The following LIMCH1 variants were observed in gnomAD, a reference collection of about 807,000 sequenced individuals.
LIMCH1 encodes LIM and calponin homology domains-containing protein 1.
Under a neutral mutation model 176.5 loss-of-function variants are expected in LIMCH1, and 113 were observed. The ratio of observed to expected loss-of-function variants is 0.64; its 90% CI spans 0.55 to 0.75. The LOEUF (loss-of-function observed/expected upper bound fraction) is 0.75, where lower values mean the gene tolerates loss of function less well. Among genes scored for constraint, LIMCH1 ranks in the 30% least tolerant of loss-of-function variants. The pLI is 0.00. For synonymous variants in LIMCH1, 619 were observed against 645.9 expected (o/e 0.96, Z 0.63); for missense variants, 1,674 against 1,814.9 (o/e 0.92, Z 1.41).
At chr4:41,527,001 G>T (rs2076730822) in intron 3 of LIMCH1, among the ~76,000 whole-genome samples, 1 of 152,132 alleles carries the variant, frequency 6.6e-6, no homozygotes. Flanking sequence ...GTTATTCATT[G>T]AATACTTTCC....
intron 26 of LIMCH1, among the ~76,000 whole-genome samples, chr4:41,682,734 T>C (rs1362022310): frequency 6.7e-6 from 1 of 149,618 alleles, no homozygotes; most frequent in Non-Finnish European, 1.5e-5. Flanking sequence ...TGGAGTGCCA[T>C]GGTACGATCT....
chr4:41,436,174 T>G (rs999699267), intron 1 of LIMCH1, among the ~76,000 whole-genome samples: 1 of 152,238 alleles, frequency 6.6e-6, no homozygotes, highest in Non-Finnish European at 1.5e-5. Context: ...GGAATTCTTG[T>G]TCCCTCTTTG....
chr4:41,581,104 G>GTCTATCTA (rs773185761), intron 1 of LIMCH1, among the ~76,000 whole-genome samples: 1 of 133,970 alleles, frequency 7.5e-6, no homozygotes, highest in African/African-American at 3.2e-5. Context: ...CCATTCATCT[G>GTCTATCTA]TCTGTCTGTC....
At chr4:41,418,997 CA>C (rs2060191042) in intron 1 of LIMCH1, among the ~76,000 whole-genome samples, 1 of 152,134 alleles carries the variant, frequency 6.6e-6, no homozygotes, top group Non-Finnish European at 1.5e-5. Context: ...CCACATTTCA[CA>C]AAGGATTGTG....
At chr4:41,449,882 T>C (rs2063677839) in intron 1 of LIMCH1, among the ~76,000 whole-genome samples, 1 of 152,242 alleles carries the variant, frequency 6.6e-6, no homozygotes, top group African/African-American at 2.4e-5. Flanking sequence ...TTCTGAGGGC[T>C]GTGGGGAAGG....
chr4:41,510,589 A>C (rs1026447348), intron 2 of LIMCH1, among the ~76,000 whole-genome samples: 13 of 151,874 alleles, frequency 8.6e-5, no homozygotes, highest in Non-Finnish European at 1.8e-4. Flanking sequence ...CCAGTTTATA[A>C]ATGATTTTTT....
intron 1 of LIMCH1, among the ~76,000 whole-genome samples, chr4:41,482,763 A>G (rs541938554): frequency 6.6e-6 from 1 of 152,312 alleles, no homozygotes; most frequent in East Asian, 1.9e-4. Context: ...AGCAGGTAAT[A>G]TAATCTGGGT....
At chr4:41,386,151 A>G (rs1184746127) in intron 1 of LIMCH1, 1 of 152,248 alleles carries the variant, frequency 6.6e-6, no homozygotes, top group Non-Finnish European at 1.5e-5. Context: ...TCAGTTGTCA[A>G]CATGGCATCC....
chr4:41,548,083 G>A (rs2079852122), intron 1 of LIMCH1, among the ~76,000 whole-genome samples: 1 of 151,610 alleles, frequency 6.6e-6, no homozygotes, highest in African/African-American at 2.4e-5. Context: ...GATCAACGTA[G>A]CATGTTGCCT....
chr4:41,689,600 A>G lies in LIMCH1; in HGVS notation c.4240A>G (p.Thr1414Ala), dbSNP rs1723742967. Residue 1414 changes from threonine (T) to alanine (A), a missense_variant, in exon 30 of 32, where the codon ACC becomes GCC. Coordinates refer to ENST00000503057, the MANE Select transcript of LIMCH1 (RefSeq NM_001330672.2). ...LGKGAAMIIE[T>A]LNLYFHIQCF... ...TAAAGGAGCTGCAATGATCATCGAG[A>G]CCCTCAATCTCTATTTTCACATCCA... The G allele has an allele frequency of 2.5e-6, 4 of 1,611,558 alleles. No individual in the cohort carries two copies. In the African/African-American group the frequency reaches 5.3e-5, roughly 22 times the overall value.
chr4:41,360,754 C>A, upstream of LIMCH1: 3 of 922,908 alleles, frequency 3.3e-6, no homozygotes, highest in South Asian at 2.2e-5. This position sits in a 1 kb window ranked among gnomAD's most constrained non-coding sequence, Gnocchi z 4.5. Flanking sequence ...GGCCGGCGGG[C>A]GGGAAGGGGC....
chr4:41,680,541 T>C (rs949411698), intron 24 of LIMCH1, among the ~76,000 whole-genome samples: 1 of 152,202 alleles, frequency 6.6e-6, no homozygotes, highest in African/African-American at 2.4e-5. Flanking sequence ...TTTGTTTAGG[T>C]TCATTTTGTT....
At chr4:41,589,865 C>T (rs2087178425) in intron 1 of LIMCH1, among the ~76,000 whole-genome samples, 1 of 152,148 alleles carries the variant, frequency 6.6e-6, no homozygotes, top group Non-Finnish European at 1.5e-5. Flanking sequence ...TGAGCTAGGG[C>T]TCTCTAAATA....
intron 14 of LIMCH1, among the ~76,000 whole-genome samples, chr4:41,643,367 A>T (rs57603849): frequency 2.0e-5 from 3 of 152,044 alleles, no homozygotes; most frequent in Non-Finnish European, 2.9e-5. Flanking sequence ...GACTGTCACC[A>T]TATTTTGTTG....
chr4:41,487,609 A>C (rs554134994), intron 1 of LIMCH1, among the ~76,000 whole-genome samples: 2 of 151,252 alleles, frequency 1.3e-5, no homozygotes, highest in African/African-American at 2.4e-5. Flanking sequence ...TAAGTGGTAC[A>C]TGAACAATTT....
At chr4:41,567,382 A>G (rs1391375710) in intron 1 of LIMCH1, among the ~76,000 whole-genome samples, 3 of 152,250 alleles carry the variant, frequency 2.0e-5, no homozygotes, top group African/African-American at 4.8e-5. Flanking sequence ...TGTTGGCTTT[A>G]TAAGCACGTC....
intron 12 of LIMCH1, 116 bp from the exon 13 acceptor site, chr4:41,633,432 G>T (rs370947327): frequency 1.1e-5 from 14 of 1,255,574 alleles, no homozygotes; most frequent in African/African-American, 1.5e-5. Flanking sequence ...TCTGTGTGCC[G>T]CTGCCTCCAG....
intron 5 of LIMCH1, among the ~76,000 whole-genome samples, chr4:41,616,778 A>G (rs2152810350): frequency 1.3e-5 from 2 of 152,160 alleles, no homozygotes; most frequent in Middle Eastern, 6.8e-3. Flanking sequence ...AACATGTGAT[A>G]CCTGTATTAT....
At chr4:41,691,951 T>C (rs540722930) in intron 30 of LIMCH1, among the ~76,000 whole-genome samples, 17 of 152,288 alleles carry the variant, frequency 1.1e-4, no homozygotes, top group Middle Eastern at 6.8e-3. Context: ...TCCATTTTGA[T>C]TGAGAAACGG....
Sources: allele counts gnomAD v4.1 joint callset (sites outside exome capture counted in the v4.1 genomes callset), GRCh38; gene constraint gnomAD v4.1.1; non-coding constraint Gnocchi (gnomAD v3.1); transcripts MANE v1.5; gene names NCBI Gene and HGNC (gene_info 2026-07-23, HGNC 2026-07-21).